NRXN1: variants seen among roughly 807,000 people sequenced by gnomAD.
NRXN1 encodes neurexin 1.
NRXN1 carries 39 observed loss-of-function variants against 150.9 expected under a neutral mutation model. That is an observed-to-expected ratio of 0.26 (90% CI 0.20 to 0.34). NRXN1 has a LOEUF of 0.34. Ranked by LOEUF, NRXN1 falls within the 10% of genes least tolerant of loss-of-function variation. The pLI is 1.00. For synonymous variants in NRXN1, 924 were observed against 757.0 expected (o/e 1.22, Z -3.62); for missense variants, 1,815 against 1,949.9 (o/e 0.93, Z 1.30).
At chr2:50,901,070 C>T (rs181457650) in intron 5 of NRXN1, among the ~76,000 whole-genome samples, 2 of 152,206 alleles carry the variant, frequency 1.3e-5, no homozygotes, top group East Asian at 1.9e-4. Flanking sequence ...CTATCTGACA[C>T]ACTATTTATC....
chr2:50,251,276 G>A (rs1369485216), intron 17 of NRXN1, among the ~76,000 whole-genome samples: 1 of 151,986 alleles, frequency 6.6e-6, no homozygotes, highest in African/African-American at 2.4e-5. Flanking sequence ...CTGAGAACGT[G>A]CACTGTTTGG....
chr2:50,804,128 C>A (rs950619688), intron 5 of NRXN1, among the ~76,000 whole-genome samples: 1 of 152,104 alleles, frequency 6.6e-6, no homozygotes, highest in African/African-American at 2.4e-5. Context: ...CGAATCAGTT[C>A]TCGAAATGAA....
intron 18 of NRXN1, among the ~76,000 whole-genome samples, chr2:50,109,925 G>C (rs1009430117): frequency 4.6e-5 from 7 of 152,110 alleles, no homozygotes; most frequent in Non-Finnish European, 8.8e-5. Context: ...AGAACACAAA[G>C]TAAGAATATA....
intron 17 of NRXN1, among the ~76,000 whole-genome samples, chr2:50,425,069 C>G (rs1287351454): frequency 6.6e-6 from 1 of 152,180 alleles, no homozygotes; most frequent in Non-Finnish European, 1.5e-5. Context: ...TATACCACCA[C>G]TTCAGGCCAT....
intron 21 of NRXN1, among the ~76,000 whole-genome samples, chr2:50,043,381 C>G (rs1691310916): frequency 6.6e-6 from 1 of 152,032 alleles, no homozygotes; most frequent in African/African-American, 2.4e-5. Flanking sequence ...CCATGTAGAC[C>G]CTGTCAAGAA....
intron 8 of NRXN1, among the ~76,000 whole-genome samples, chr2:50,565,174 T>G (rs920403080): frequency 6.6e-6 from 1 of 151,968 alleles, no homozygotes; most frequent in Non-Finnish European, 1.5e-5. Context: ...AAGGGGAAAA[T>G]GCGTCATAAC....
intron 2 of NRXN1, among the ~76,000 whole-genome samples, chr2:50,929,092 C>A (rs1006459601): frequency 6.6e-6 from 1 of 151,992 alleles, no homozygotes; most frequent in East Asian, 1.9e-4. Flanking sequence ...CAAGCAACAG[C>A]CTGTTTTAAA....
chr2:50,584,841 A>C (rs1453035317), intron 8 of NRXN1, among the ~76,000 whole-genome samples: 1 of 152,176 alleles, frequency 6.6e-6, no homozygotes, highest in Non-Finnish European at 1.5e-5. Context: ...AATGTGATGG[A>C]AATATGAGAA....
At chr2:50,900,110 G>C (rs184917027) in intron 5 of NRXN1, among the ~76,000 whole-genome samples, 1 of 152,114 alleles carries the variant, frequency 6.6e-6, no homozygotes, top group Non-Finnish European at 1.5e-5. Flanking sequence ...AGAAGGCTGA[G>C]CAATACAAAT....
chr2:50,908,237 G>C (rs1684010954), intron 5 of NRXN1, among the ~76,000 whole-genome samples: 1 of 151,928 alleles, frequency 6.6e-6, no homozygotes, highest in South Asian at 2.1e-4. Flanking sequence ...CTCTTGAGTA[G>C]AGTACAGAAA....
intron 5 of NRXN1, among the ~76,000 whole-genome samples, chr2:50,708,548 G>C (rs1027324818): frequency 2.0e-5 from 3 of 152,142 alleles, no homozygotes; most frequent in Non-Finnish European, 4.4e-5. Flanking sequence ...CAGTTTAAGA[G>C]AAGTTTCTTG....
intron 5 of NRXN1, chr2:50,631,268 C>A (rs1438764271): frequency 2.8e-6 from 1 of 354,252 alleles, no homozygotes; most frequent in African/African-American, 2.3e-5. Flanking sequence ...CAAGACTTAT[C>A]TCACTTAGGT....
At chr2:50,054,708 A>G (rs898562939) in intron 20 of NRXN1, among the ~76,000 whole-genome samples, 5 of 152,288 alleles carry the variant, frequency 3.3e-5, no homozygotes, top group African/African-American at 1.2e-4. Context: ...AGTGGATTAT[A>G]TTTAACAGTC....
At chr2:50,063,300 A>G (rs73931000) in intron 19 of NRXN1, among the ~76,000 whole-genome samples, 3,368 of 152,284 alleles carry the variant, frequency 0.022, 124 homozygotes, top group African/African-American at 0.077. Flanking sequence ...ATTCTAATAA[A>G]ACATTTGTCT....
At chr2:50,531,452 G>C in intron 10 of NRXN1, 22 bp from the exon 11 acceptor site, 1 of 1,582,738 alleles carries the variant, frequency 6.3e-7, no homozygotes, top group Non-Finnish European at 8.6e-7. Context: ...AAATGAATAT[G>C]ATAAGTTCTT....
chr2:50,318,749 T>C (rs1317555053), intron 17 of NRXN1, among the ~76,000 whole-genome samples: 2 of 152,114 alleles, frequency 1.3e-5, no homozygotes, highest in South Asian at 2.1e-4. Context: ...TACATGCATA[T>C]ATGATAAAAC....
intron 17 of NRXN1, among the ~76,000 whole-genome samples, chr2:50,383,053 A>T (rs2081080627): frequency 6.6e-6 from 1 of 152,110 alleles, no homozygotes; most frequent in African/African-American, 2.4e-5. Context: ...AAGCAACTTG[A>T]TCGTAAATAA....
At chr2:50,247,984 ATATAT>A (rs1294547436) in intron 17 of NRXN1, among the ~76,000 whole-genome samples, 1 of 152,088 alleles carries the variant, frequency 6.6e-6, no homozygotes, top group Non-Finnish European at 1.5e-5. Flanking sequence ...TTAAAGATAA[ATATAT>A]TAGTCATGAA....
At chr2:50,803,149 T>C (rs897674883) in intron 5 of NRXN1, among the ~76,000 whole-genome samples, 3 of 152,208 alleles carry the variant, frequency 2.0e-5, no homozygotes, top group African/African-American at 7.2e-5. Context: ...CTTACTCTTA[T>C]AAAATCTGCC....
Sources: allele counts gnomAD v4.1 joint callset (sites outside exome capture counted in the v4.1 genomes callset), GRCh38; gene constraint gnomAD v4.1.1; transcripts MANE v1.5; gene names NCBI Gene and HGNC (gene_info 2026-07-23, HGNC 2026-07-21).